Variants in MAPRE2 observed in about 807,000 individuals in gnomAD.
MAPRE2 encodes microtubule-associated protein RP/EB family member 2.
A neutral mutation model predicts 43.2 loss-of-function variants in MAPRE2; 13 were observed. The observed-to-expected ratio is 0.30, with a 90% CI of 0.20 to 0.48. The LOEUF (loss-of-function observed/expected upper bound fraction) is 0.48. MAPRE2 is among the 20% of genes least tolerant of loss of function. MAPRE2 has a pLI of 0.99. For missense variants in MAPRE2, 161 were observed against 400.2 expected, an observed-to-expected ratio of 0.40 and a Z score of 5.10; for synonymous variants, 135 against 148.8, an observed-to-expected ratio of 0.91 and a Z score of 0.68.
chr18:35,051,251 A>G (rs971087113), intron 1 of MAPRE2, among the ~76,000 whole-genome samples: 1 of 152,128 alleles, frequency 6.6e-6, no homozygotes, highest in Non-Finnish European at 1.5e-5. Flanking sequence ...GAAGAAAATG[A>G]AGAGCTCTGT....
intron 1 of MAPRE2, among the ~76,000 whole-genome samples, chr18:35,060,629 A>G (rs1906475044): frequency 6.6e-6 from 1 of 152,218 alleles, no homozygotes; most frequent in Non-Finnish European, 1.5e-5. Flanking sequence ...CAAATTTCCA[A>G]GTCATTTCAG....
chr18:35,065,890 T>TGAG (rs1906817182), intron 1 of MAPRE2, among the ~76,000 whole-genome samples: 1 of 152,046 alleles, frequency 6.6e-6, no homozygotes, highest in Non-Finnish European at 1.5e-5. Flanking sequence ...AGTGATCTGG[T>TGAG]TGAGATTCCA....
chr18:35,000,349 G>A (rs1445906124), intron 1 of MAPRE2, among the ~76,000 whole-genome samples: 2 of 152,188 alleles, frequency 1.3e-5, no homozygotes, highest in African/African-American at 4.8e-5. Context: ...AATGAAGAAA[G>A]AATGAAATCT....
Position 35,070,536 on chromosome 18 carries a change from C to T in MAPRE2, c.250+214C>T, listed in dbSNP as rs1373178365. On this transcript the variant is annotated intron_variant, in intron 2 of 6. Transcript: ENST00000300249. ...GAGCACAAGCAGAGCCACACGGACA[C>T]GTATTGGAAAGGTCTCTTGCTTGAG... 2.0e-5 allele frequency: 7 copies of T among 347,846 alleles called. No homozygotes were observed. In the East Asian group the frequency reaches 2.4e-4, roughly 12 times the overall value. The allele number at this position is 347,846 out of a possible 1,614,324, so 21.5% of individuals were successfully genotyped here.
intron 4 of MAPRE2, among the ~76,000 whole-genome samples, chr18:35,113,395 G>A (rs541299216): frequency 6.6e-6 from 1 of 152,212 alleles, no homozygotes; most frequent in South Asian, 2.1e-4. Context: ...ATTTTTGACA[G>A]ATGATTTACT....
intron 4 of MAPRE2, among the ~76,000 whole-genome samples, chr18:35,107,030 A>G (rs1046270989): frequency 2.0e-5 from 3 of 152,222 alleles, no homozygotes; most frequent in Non-Finnish European, 2.9e-5. Flanking sequence ...TGTAGTTACT[A>G]TAGCAACGAC....
intron 1 of MAPRE2, chr18:35,005,431 T>C (rs750782477): frequency 1.9e-6 from 2 of 1,056,810 alleles, no homozygotes; most frequent in Non-Finnish European, 1.4e-6. Context: ...ACTCTTTGCT[T>C]CCATATTTTC....
At chr18:35,070,559 G>C (rs148979683) in intron 2 of MAPRE2, 2 of 303,264 alleles carry the variant, frequency 6.6e-6, no homozygotes, top group Non-Finnish European at 1.2e-5. Context: ...TCTCTTGCTT[G>C]AGCTTCGTAA....
chr18:35,066,359 T>A (rs1031466349), intron 1 of MAPRE2, among the ~76,000 whole-genome samples: 9 of 152,208 alleles, frequency 5.9e-5, no homozygotes, highest in African/African-American at 1.9e-4. Flanking sequence ...TAAAAAGATA[T>A]AAAATTTCCT....
At chr18:35,006,222 A>G (rs527993015) in intron 2 of MAPRE2, among the ~76,000 whole-genome samples, 27 of 152,330 alleles carry the variant, frequency 1.8e-4, no homozygotes, top group African/African-American at 6.0e-4. Context: ...GCTACAAGCT[A>G]TTATTGTTCA....
At chr18:35,132,583 C>T (rs972199707) in intron 6 of MAPRE2, among the ~76,000 whole-genome samples, 1 of 152,190 alleles carries the variant, frequency 6.6e-6, no homozygotes, top group Non-Finnish European at 1.5e-5. Context: ...TTCCCATCCC[C>T]AGAAGCCCCA....
chr18:34,999,527 T>C (rs2097028289), intron 1 of MAPRE2, among the ~76,000 whole-genome samples: 1 of 152,238 alleles, frequency 6.6e-6, no homozygotes, highest in South Asian at 2.1e-4. Context: ...TATTTTATTG[T>C]AACTATCATT....
At chr18:35,040,959 C>G (rs1383110325), upstream of MAPRE2, among the ~76,000 whole-genome samples, 1 of 152,178 alleles carries the variant, frequency 6.6e-6, no homozygotes, top group African/African-American at 2.4e-5. Context: ...TAGTCTGATA[C>G]CTTTTCTACA....
chr18:35,032,985 A>C (rs1003741383), intron 2 of MAPRE2, among the ~76,000 whole-genome samples: 1 of 152,114 alleles, frequency 6.6e-6, no homozygotes, highest in Non-Finnish European at 1.5e-5. Context: ...CCCTTGATTT[A>C]GTATATCTCT....
chr18:34,993,151 T>C (rs570778487), intron 1 of MAPRE2, among the ~76,000 whole-genome samples: 2 of 152,176 alleles, frequency 1.3e-5, no homozygotes, highest in Middle Eastern at 3.4e-3. Context: ...CTTGCTCAGA[T>C]TGGATTGCAG....
chr18:35,026,432 C>G (rs1172671605), intron 2 of MAPRE2, among the ~76,000 whole-genome samples: 3 of 152,248 alleles, frequency 2.0e-5, no homozygotes, highest in East Asian at 3.9e-4. Context: ...TGAGAGAATG[C>G]AGCGATGAAT....
At chr18:35,007,202 G>C (rs2097032252) in intron 2 of MAPRE2, among the ~76,000 whole-genome samples, 1 of 152,152 alleles carries the variant, frequency 6.6e-6, no homozygotes, top group Non-Finnish European at 1.5e-5. Flanking sequence ...ATAGTAGGTG[G>C]TCCATATGTC....
intron 2 of MAPRE2, among the ~76,000 whole-genome samples, chr18:35,076,795 G>C (rs755728360): frequency 2.0e-5 from 3 of 152,170 alleles, no homozygotes; most frequent in Non-Finnish European, 2.9e-5. Flanking sequence ...GGAAACCATA[G>C]AATTGGCCAC....
intron 1 of MAPRE2, among the ~76,000 whole-genome samples, chr18:34,987,863 G>A (rs905527756): frequency 2.0e-5 from 3 of 151,964 alleles, no homozygotes; most frequent in African/African-American, 7.3e-5. Context: ...GGCTGGTCTC[G>A]AACTCCTGGG....
Sources: gnomAD v4.1 joint callset for allele counts (sites outside exome capture counted in the v4.1 genomes callset) on GRCh38, gnomAD v4.1.1 for gene constraint, MANE v1.5 for transcripts, NCBI Gene and HGNC (gene_info 2026-07-23, HGNC 2026-07-21) for gene names.